The following CAMSAP1 variants were observed in gnomAD, a reference collection of about 807,000 sequenced individuals.
The protein encoded by CAMSAP1 is calmodulin-regulated spectrin-associated protein 1.
In CAMSAP1, 58 loss-of-function variants were observed where a neutral mutation model predicts 143.5. The ratio of observed to expected loss-of-function variants is 0.40; its 90% confidence interval spans 0.33 to 0.50. The LOEUF is 0.50. CAMSAP1 is among the 20% of genes least tolerant of loss of function. The probability of loss-of-function intolerance (pLI) is 0.45; values close to 1 mark genes in which losing one functional copy is unlikely to be tolerated. For missense variants in CAMSAP1, 1,969 were observed against 2,115.7 expected, an observed-to-expected ratio of 0.93 and a Z score of 1.36; for synonymous variants, 945 against 859.3, an observed-to-expected ratio of 1.10 and a Z score of -1.74.
At chr9:135,866,043 T>C (rs1837368967) in intron 4 of CAMSAP1, among the ~76,000 whole-genome samples, 1 of 152,340 alleles carries the variant, frequency 6.6e-6, no homozygotes, top group Non-Finnish European at 1.5e-5. Flanking sequence ...AGCAGAATCA[T>C]GGCACAGGCA....
At chr9:135,875,064 C>T (rs563098533) in intron 3 of CAMSAP1, among the ~76,000 whole-genome samples, 6 of 152,264 alleles carry the variant, frequency 3.9e-5, no homozygotes, top group African/African-American at 1.4e-4. Flanking sequence ...CTGGAATATG[C>T]AATACTAATA....
chr9:135,890,012 G>A (rs1395894178), intron 1 of CAMSAP1, among the ~76,000 whole-genome samples: 1 of 152,216 alleles, frequency 6.6e-6, no homozygotes, highest in Non-Finnish European at 1.5e-5. Context: ...ATGGAGCAAA[G>A]GTGGGCAAAG....
At chr9:135,830,972 A>G (rs1407584631) in intron 7 of CAMSAP1, among the ~76,000 whole-genome samples, 1 of 152,104 alleles carries the variant, frequency 6.6e-6, no homozygotes, top group African/African-American at 2.4e-5. Context: ...GGAGTTCAAG[A>G]CCAGCCTGGC....
chr9:135,853,202 C>T (rs1836839761), intron 5 of CAMSAP1, among the ~76,000 whole-genome samples: 1 of 152,144 alleles, frequency 6.6e-6, no homozygotes, highest in Admixed American at 6.5e-5. Flanking sequence ...TCCAGACAAA[C>T]ACACCAAGGG....
intron 5 of CAMSAP1, among the ~76,000 whole-genome samples, chr9:135,860,052 A>AAT (rs1837126351): frequency 6.6e-6 from 1 of 151,010 alleles, no homozygotes; most frequent in African/African-American, 2.4e-5. Flanking sequence ...AAAAAAAAAA[A>AAT]AAATAAAAAA....
intron 1 of CAMSAP1, among the ~76,000 whole-genome samples, chr9:135,892,376 A>G (rs1369563273): frequency 6.6e-6 from 1 of 152,120 alleles, no homozygotes; most frequent in East Asian, 1.9e-4. Context: ...AAAAAATCAA[A>G]AGAAGAAGAA....
chr9:135,906,858 A>T, intron 1 of CAMSAP1, 142 bp downstream of exon 1: 1 of 380,966 alleles, frequency 2.6e-6, no homozygotes, highest in Non-Finnish European at 3.6e-6. Flanking sequence ...AGGACCTCGG[A>T]GGCGGCCGGC....
At chr9:135,850,075 CT>C in intron 7 of CAMSAP1, 61 bp downstream of exon 7, 1 of 1,350,770 alleles carries the variant, frequency 7.4e-7, no homozygotes, top group East Asian at 2.5e-5. Flanking sequence ...CTGGAGAGTG[CT>C]TTCTGATACT....
chr9:135,848,313 T>A (rs540979936), intron 7 of CAMSAP1, among the ~76,000 whole-genome samples: 1 of 152,208 alleles, frequency 6.6e-6, no homozygotes, highest in Admixed American at 6.5e-5. Context: ...CTAAGCTTTT[T>A]GTCGTTATTC....
At chr9:135,879,484 T>TTAATTTTA in intron 3 of CAMSAP1, among the ~76,000 whole-genome samples, 1 of 152,082 alleles carries the variant, frequency 6.6e-6, no homozygotes, top group Non-Finnish European at 1.5e-5. Flanking sequence ...TTACCCAGAA[T>TTAATTTTA]CTGCAATTTT....
intron 8 of CAMSAP1, among the ~76,000 whole-genome samples, chr9:135,827,005 CTCT>C (rs2131674392): frequency 6.6e-6 from 1 of 152,334 alleles, no homozygotes; most frequent in South Asian, 2.1e-4. Flanking sequence ...CAAACAAATT[CTCT>C]TCTTTGAAGA....
At chr9:135,890,182 C>G (rs756408784) in intron 1 of CAMSAP1, among the ~76,000 whole-genome samples, 1 of 152,028 alleles carries the variant, frequency 6.6e-6, no homozygotes, top group Non-Finnish European at 1.5e-5. Context: ...CCCATGGAGG[C>G]TCCGCATGTA....
Position 135,821,464 on chromosome 9 carries a change from T to C in CAMSAP1, c.3197A>G (p.Asp1066Gly). 6.2e-7 allele frequency: 1 copy of C among 1,614,012 alleles called. No individual in the cohort carries two copies. Among genetic ancestry groups the C allele is most frequent in the Non-Finnish European group, 8.5e-7 (1 of 1,179,888 alleles). ...GTGGACTGGTGCCTTCACTTTGTGG[T>C]CCTGCGAGTTATTCTTAGAGCCTGG... ...PVPGSKNNSQ[D>G]HKVKAPVHFV... The change falls in exon 11 of 17, where the codon GAC becomes GGC. Residue 1066 changes from aspartate (D) to glycine (G), a missense_variant. Coordinates refer to ENST00000389532, the MANE Select transcript of CAMSAP1 (RefSeq NM_015447.4). The surrounding 1 kb of genome is among the most constrained non-coding windows in gnomAD (Gnocchi z 4.6).
In CAMSAP1 at chr9:135,821,409, C is replaced by T. The variant is rs1431529295; in HGVS notation, c.3252G>A (p.Val1084=). 1.2e-6 allele frequency: 2 copies of T among 1,613,990 alleles called. No homozygotes were observed. The highest frequency in any genetic ancestry group is 1.3e-5 in the African/African-American group (1 of 75,076). ...GCCGGGGGGCTTTGCGGTGGCCAGC[C>T]ACGCCCGTGGGAGAGAGTGGCTCCA... ...HFVEPLSPTG[V]AGHRKAPRLG... The change falls in exon 11 of 17, where the codon GTG becomes GTA. Residue 1084 remains valine, a synonymous_variant. Transcript: ENST00000389532. The surrounding 1 kb of genome is among the most constrained non-coding windows in gnomAD (Gnocchi z 4.6).
intron 7 of CAMSAP1, among the ~76,000 whole-genome samples, chr9:135,840,541 C>A (rs1241224029): frequency 6.6e-6 from 1 of 152,134 alleles, no homozygotes; most frequent in Non-Finnish European, 1.5e-5. Flanking sequence ...TTGAGCTGGA[C>A]AGTATCATGA....
intron 10 of CAMSAP1, 109 bp from the exon 11 acceptor site, chr9:135,823,369 ATGCAGGAGAT>A (rs1293876551): frequency 1.1e-5 from 13 of 1,214,706 alleles, no homozygotes; most frequent in African/African-American, 1.5e-5. Context: ...CGCCTCTCAT[ATGCAGGAGAT>A]TTAAACTCAC....
At position 135,855,863 on chromosome 9, in the gene CAMSAP1, T is replaced by C. The variant is rs575570057; in HGVS notation, c.809-5402A>G. Among the ~76,000 whole-genome samples, 214 of 150,936 alleles carry C rather than the reference T, an allele frequency of 1.4e-3. 2 individuals carry two copies. The Middle Eastern group carries it at 0.024, about 17-fold the overall frequency. On this transcript the variant is annotated intron_variant, in intron 5 of 16. Transcript: ENST00000389532. The stretch of plus-strand genomic sequence containing the variant: ...GTCAGGAGATCAAGACCATCCTGGC[T>C]AACACGGTGAAACCCTGTCTCTACT...
intron 5 of CAMSAP1, 94 bp from the exon 6 acceptor site, chr9:135,850,555 G>T: frequency 1.0e-6 from 1 of 989,398 alleles, no homozygotes. Context: ...TTTACATAAA[G>T]GTAGTAATGA....
intron 1 of CAMSAP1, among the ~76,000 whole-genome samples, chr9:135,891,875 AG>A (rs1437306370): frequency 6.6e-6 from 1 of 152,232 alleles, no homozygotes; most frequent in Non-Finnish European, 1.5e-5. Flanking sequence ...CGAAAATTTC[AG>A]GACTAAAAAG....
Sources: allele counts gnomAD v4.1 joint callset (sites outside exome capture counted in the v4.1 genomes callset), GRCh38; gene constraint gnomAD v4.1.1; non-coding constraint Gnocchi (gnomAD v3.1); transcripts MANE v1.5; gene names NCBI Gene and HGNC (gene_info 2026-07-23, HGNC 2026-07-21).